The following SUGCT variants were observed in gnomAD, a reference collection of about 807,000 sequenced individuals.
SUGCT encodes the protein succinyl-CoA:glutarate-CoA transferase, also known as succinyl-CoA:glutarate CoA-transferase.
In SUGCT, 41 loss-of-function variants were observed where a neutral mutation model predicts 55.0. The observed-to-expected ratio is 0.74, with a 90% CI of 0.58 to 0.97. The LOEUF (loss-of-function observed/expected upper bound fraction) is 0.97, where lower values mean the gene tolerates loss of function less well. Ranked by LOEUF, SUGCT falls within the 50% of genes least tolerant of loss-of-function variation. SUGCT has a pLI of 0.00. For missense variants in SUGCT, 568 were observed against 547.8 expected (o/e 1.04, Z -0.37); for synonymous variants, 187 against 200.4 (o/e 0.93, Z 0.56).
At chr7:40,970,132 G>A in the SUGCT span, among the ~76,000 whole-genome samples, 1,314 of 152,248 alleles carry the variant, frequency 8.6e-3, 20 homozygotes, top group African/African-American at 0.029. Flanking sequence ...GAATCAAGAA[G>A]GTTTGTTGAG....
chr7:40,530,338 A>T (rs1794018129), intron 12 of SUGCT, among the ~76,000 whole-genome samples: 1 of 152,250 alleles, frequency 6.6e-6, no homozygotes, highest in Admixed American at 6.5e-5. Flanking sequence ...AACATAATAT[A>T]TAGTTTAGAC....
chr7:40,350,609 G>A (rs1383182201), intron 9 of SUGCT, among the ~76,000 whole-genome samples: 3 of 151,790 alleles, frequency 2.0e-5, no homozygotes, highest in Non-Finnish European at 4.4e-5. Context: ...GGGATTAGAG[G>A]CATGAGCCAC....
the SUGCT span, among the ~76,000 whole-genome samples, chr7:40,932,174 G>A: frequency 4.6e-5 from 7 of 152,110 alleles, no homozygotes; most frequent in South Asian, 2.1e-4. Flanking sequence ...CCTTCATTTC[G>A]TTATTTACCC....
intron 10 of SUGCT, among the ~76,000 whole-genome samples, chr7:40,454,556 T>C (rs906700881): frequency 6.6e-6 from 1 of 152,130 alleles, no homozygotes; most frequent in Non-Finnish European, 1.5e-5. Context: ...CTGCACTCAA[T>C]ACTATAGGCA....
intron 13 of SUGCT, among the ~76,000 whole-genome samples, chr7:40,792,953 A>C (rs2128745908): frequency 6.6e-6 from 1 of 152,262 alleles, no homozygotes; most frequent in Non-Finnish European, 1.5e-5. Context: ...TAGATCAGGC[A>C]CAGTCCAGCT....
chr7:40,242,995 T>C (rs1390627196), intron 7 of SUGCT, among the ~76,000 whole-genome samples: 1 of 126,054 alleles, frequency 7.9e-6, no homozygotes, highest in African/African-American at 3.0e-5. Context: ...CCCAGGCTGG[T>C]GTAATCATGG....
chr7:40,395,122 G>T (rs76818302), intron 9 of SUGCT, among the ~76,000 whole-genome samples: 2,961 of 152,212 alleles, frequency 0.019, 98 homozygotes, highest in African/African-American at 0.068. Context: ...GGTGCAGTTT[G>T]CTCTGGATCC....
At chr7:40,377,123 CCTTCCTCTTTCTTTCTTT>C (rs1361538949) in intron 9 of SUGCT, among the ~76,000 whole-genome samples, 1,111 of 17,588 alleles carry the variant, frequency 0.063, 512 homozygotes, top group South Asian at 0.15. Flanking sequence ...AAATTTTCAG[CCTTCCTCTTTCTTTCTTT>C]CTTTCTTTCT....
intron 8 of SUGCT, among the ~76,000 whole-genome samples, chr7:40,303,919 A>G (rs1016790396): frequency 2.6e-5 from 4 of 152,060 alleles, no homozygotes; most frequent in African/African-American, 9.7e-5. Context: ...AACATGGCAA[A>G]ACCCCGTCTC....
At chr7:40,886,219 C>A in the SUGCT span, among the ~76,000 whole-genome samples, 1 of 151,974 alleles carries the variant, frequency 6.6e-6, no homozygotes, top group Non-Finnish European at 1.5e-5. Flanking sequence ...TTCTAGGCTT[C>A]ATTTTCCTCA....
intron 9 of SUGCT, among the ~76,000 whole-genome samples, chr7:40,361,926 A>G (rs778744925): frequency 6.6e-6 from 1 of 152,062 alleles, no homozygotes; most frequent in Non-Finnish European, 1.5e-5. Context: ...TAATTGCTTT[A>G]AGCTGGCCTG....
At chr7:40,400,378 A>T (rs1017363314) in intron 9 of SUGCT, among the ~76,000 whole-genome samples, 1 of 152,216 alleles carries the variant, frequency 6.6e-6, no homozygotes, top group Non-Finnish European at 1.5e-5. Flanking sequence ...GGAAGCTTAC[A>T]GTCCTGGCTG....
intron 9 of SUGCT, among the ~76,000 whole-genome samples, chr7:40,324,316 C>T (rs966096491): frequency 2.7e-5 from 4 of 149,222 alleles, no homozygotes; most frequent in Non-Finnish European, 3.0e-5. Flanking sequence ...AGTGCAGTGG[C>T]GCAATCTCAG....
intron 6 of SUGCT, chr7:40,217,514 CTT>C (rs770919796): frequency 2.5e-6 from 1 of 404,132 alleles, no homozygotes; most frequent in Non-Finnish European, 5.0e-6. Context: ...GCCTGGCCAA[CTT>C]CCTGAATTAT....
intron 1 of SUGCT, among the ~76,000 whole-genome samples, chr7:40,163,422 G>A (rs756872336): frequency 7.2e-5 from 11 of 152,012 alleles, no homozygotes; most frequent in Non-Finnish European, 1.2e-4. Flanking sequence ...TGGCTAACAC[G>A]GTGAAACCCC....
At chr7:40,954,649 C>G in the SUGCT span, among the ~76,000 whole-genome samples, 1 of 152,120 alleles carries the variant, frequency 6.6e-6, no homozygotes, top group Non-Finnish European at 1.5e-5. Flanking sequence ...TAATTAGATC[C>G]CATTTGTCAA....
intron 9 of SUGCT, among the ~76,000 whole-genome samples, chr7:40,404,920 G>A (rs545717725): frequency 6.6e-5 from 10 of 152,278 alleles, no homozygotes; most frequent in Admixed American, 3.3e-4. Flanking sequence ...GGGAATAGTG[G>A]TTTCTATTCC....
chr7:40,445,608 A>G (rs990601685), intron 9 of SUGCT, among the ~76,000 whole-genome samples: 3 of 152,180 alleles, frequency 2.0e-5, no homozygotes, highest in African/African-American at 4.8e-5. Context: ...AAGTATTCCA[A>G]ACAATTGAAA....
the SUGCT span, among the ~76,000 whole-genome samples, chr7:40,993,074 G>C: frequency 6.6e-6 from 1 of 152,136 alleles, no homozygotes; most frequent in Admixed American, 6.5e-5. Context: ...CTAAAATGCA[G>C]ATTCTGATTC....
Sources: gnomAD v4.1 joint callset for allele counts (sites outside exome capture counted in the v4.1 genomes callset) on GRCh38, gnomAD v4.1.1 for gene constraint, MANE v1.5 for transcripts, NCBI Gene and HGNC (gene_info 2026-07-23, HGNC 2026-07-21) for gene names.